ARAP2: variants seen among roughly 807,000 people sequenced by gnomAD.
ARAP2 encodes arf-GAP with Rho-GAP domain, ANK repeat and PH domain-containing protein 2.
ARAP2 carries 148 observed loss-of-function variants against 194.5 expected under a neutral mutation model. That is an observed-to-expected ratio of 0.76 (90% CI 0.67 to 0.87). The LOEUF (loss-of-function observed/expected upper bound fraction) is 0.87. Ranked by LOEUF, ARAP2 falls within the 40% of genes least tolerant of loss-of-function variation. ARAP2 has a pLI of 0.00. For synonymous variants in ARAP2, 695 were observed against 683.5 expected, an observed-to-expected ratio of 1.02 and a Z score of -0.26; for missense variants, 2,128 against 1,989.7, an observed-to-expected ratio of 1.07 and a Z score of -1.32.
chr4:36,099,003 T>A (rs536503672), intron 27 of ARAP2, among the ~76,000 whole-genome samples: 1 of 152,062 alleles, frequency 6.6e-6, no homozygotes, highest in Non-Finnish European at 1.5e-5. Context: ...TAGGTATTAA[T>A]GTAAGTACCC....
chr4:36,179,161 A>G (rs1018185542), intron 8 of ARAP2, among the ~76,000 whole-genome samples: 1 of 152,214 alleles, frequency 6.6e-6, no homozygotes, highest in Non-Finnish European at 1.5e-5. Context: ...AAGACATTAT[A>G]ATAATACAGA....
chr4:36,104,806 G>A (rs1408009258), intron 27 of ARAP2, among the ~76,000 whole-genome samples: 1 of 151,858 alleles, frequency 6.6e-6, no homozygotes, highest in Admixed American at 6.6e-5. Context: ...TATTTTATAG[G>A]TTCTCTTATT....
At chr4:36,143,098 A>G (rs1728738016) in intron 19 of ARAP2, among the ~76,000 whole-genome samples, 2 of 151,694 alleles carry the variant, frequency 1.3e-5, no homozygotes, top group African/African-American at 2.4e-5. Context: ...AGTAGATATG[A>G]GACTCTGTTT....
At chr4:36,161,442 C>T in intron 12 of ARAP2, 23 bp downstream of exon 12, 1 of 1,592,106 alleles carries the variant, frequency 6.3e-7, no homozygotes. Context: ...ATCACAACCC[C>T]ATTCAGGTTA....
intron 31 of ARAP2, among the ~76,000 whole-genome samples, chr4:36,076,356 A>T (rs924615169): frequency 1.3e-5 from 2 of 152,072 alleles, no homozygotes; most frequent in African/African-American, 4.8e-5. Context: ...GATTGTCTTC[A>T]TATAATGTAT....
intron 7 of ARAP2, among the ~76,000 whole-genome samples, chr4:36,188,166 G>T (rs1740995295): frequency 1.3e-5 from 2 of 152,024 alleles, no homozygotes; most frequent in Admixed American, 1.3e-4. Flanking sequence ...TACAAATTTT[G>T]TTTAAAAAAG....
intron 5 of ARAP2, among the ~76,000 whole-genome samples, chr4:36,033,735 A>G (rs192385408): frequency 2.0e-5 from 3 of 152,168 alleles, no homozygotes; most frequent in Non-Finnish European, 4.4e-5. Context: ...TCCGACATCT[A>G]GAATGGTATT....
At chr4:36,038,318 CTA>C (rs1245572060) in intron 5 of ARAP2, among the ~76,000 whole-genome samples, 1 of 152,034 alleles carries the variant, frequency 6.6e-6, no homozygotes, top group Admixed American at 6.6e-5. Context: ...TCTCAAAAGA[CTA>C]TAAAGGATCA....
intron 19 of ARAP2, among the ~76,000 whole-genome samples, chr4:36,144,268 C>G (rs1350768113): frequency 2.0e-5 from 3 of 151,820 alleles, no homozygotes. Context: ...AACATAAGCT[C>G]TGAGGGGTCA....
In ARAP2 at chr4:36,128,749, T is replaced by C. The variant is rs757493334; in HGVS notation, c.3428-4A>G. The C allele has an allele frequency of 1.4e-6, 2 of 1,454,214 alleles. No individual in the cohort carries two copies. Among genetic ancestry groups the C allele is most frequent in the Non-Finnish European group, 1.8e-6 (2 of 1,111,600 alleles). The allele number at this position is 1,454,214 out of a possible 1,614,324, so 90.1% of individuals were successfully genotyped here. On this transcript the variant is annotated splice_region_variant and splice_polypyrimidine_tract_variant and intron_variant, in intron 20 of 32. Transcript: ENST00000303965. ...TAGATATATTTGCATCCTAAACCTT[T>C]GTTTAAAAAAAAAAAGTTATACTTT...
chr4:36,241,511 G>A (rs1294002781), intron 1 of ARAP2, among the ~76,000 whole-genome samples: 2 of 152,132 alleles, frequency 1.3e-5, no homozygotes, highest in Admixed American at 6.5e-5. Context: ...TTTGACAACA[G>A]TGCTAAGGGC....
intron 15 of ARAP2, 149 bp from the exon 16 acceptor site, chr4:36,151,193 G>T: frequency 1.4e-6 from 1 of 712,644 alleles, no homozygotes; most frequent in Non-Finnish European, 2.2e-6. Flanking sequence ...ATTGCTGCAT[G>T]GGATATAAAG....
intron 31 of ARAP2, among the ~76,000 whole-genome samples, chr4:36,075,877 T>C (rs528147065): frequency 1.9e-4 from 29 of 152,252 alleles, no homozygotes; most frequent in African/African-American, 6.7e-4. Flanking sequence ...TAAGAAACCA[T>C]TCAGCACTGC....
chr4:36,142,220 A>G (rs531995790), intron 19 of ARAP2, among the ~76,000 whole-genome samples: 1 of 151,750 alleles, frequency 6.6e-6, no homozygotes, highest in Non-Finnish European at 1.5e-5. Flanking sequence ...TCAACATCCA[A>G]AATCATCCAT....
downstream of ARAP2, among the ~76,000 whole-genome samples, chr4:36,063,714 T>G (rs1050590410): frequency 6.6e-6 from 1 of 152,224 alleles, no homozygotes; most frequent in Non-Finnish European, 1.5e-5. Flanking sequence ...GTTGCCTTCC[T>G]TGTTCCTTGT....
intron 2 of ARAP2, among the ~76,000 whole-genome samples, chr4:36,057,676 C>A (rs772713572): frequency 2.6e-5 from 4 of 151,902 alleles, no homozygotes; most frequent in Admixed American, 6.6e-5. Context: ...TTTTTAACTT[C>A]TAAAATTTTT....
intron 1 of ARAP2, among the ~76,000 whole-genome samples, chr4:36,232,176 G>A (rs1348116454): frequency 6.6e-6 from 1 of 152,202 alleles, no homozygotes; most frequent in Non-Finnish European, 1.5e-5. Context: ...ATGGCCTGTG[G>A]TATTTTGTCA....
At chr4:36,204,028 A>G (rs990446701) in intron 6 of ARAP2, among the ~76,000 whole-genome samples, 2 of 152,194 alleles carry the variant, frequency 1.3e-5, no homozygotes, top group Non-Finnish European at 2.9e-5. Flanking sequence ...TTACAGTATA[A>G]CAACAACAAC....
chr4:36,162,604 C>CCTTT (rs71653576), intron 11 of ARAP2, among the ~76,000 whole-genome samples: 2 of 142,576 alleles, frequency 1.4e-5, no homozygotes, highest in Non-Finnish European at 3.0e-5. Context: ...AAGTTCTTGT[C>CCTTT]TTTTTTTTTT....
Sources: allele counts gnomAD v4.1 joint callset (sites outside exome capture counted in the v4.1 genomes callset), GRCh38; gene constraint gnomAD v4.1.1; transcripts MANE v1.5; gene names NCBI Gene and HGNC (gene_info 2026-07-23, HGNC 2026-07-21).